The following COL4A1 variants were observed in gnomAD, a reference collection of about 807,000 sequenced individuals.
COL4A1 encodes the protein collagen type IV alpha 1 chain, also known as collagen alpha-1(IV) chain.
A neutral mutation model predicts 216.6 loss-of-function variants in COL4A1; 40 were observed. The ratio of observed to expected loss-of-function variants is 0.18; its 90% CI spans 0.14 to 0.24. The LOEUF (loss-of-function observed/expected upper bound fraction) is 0.24, where lower values mean the gene tolerates loss of function less well. COL4A1 is among the 10% of genes least tolerant of loss of function. The probability of loss-of-function intolerance (pLI) is 1.00; values close to 1 mark genes in which losing one functional copy is unlikely to be tolerated. For synonymous variants in COL4A1, 839 were observed against 810.7 expected (o/e 1.03, Z -0.59); for missense variants, 1,628 against 2,196.8 (o/e 0.74, Z 5.18).
At chr13:110,201,716 G>A in intron 18 of COL4A1, 194 bp from the exon 19 acceptor site, 1 of 728,032 alleles carries the variant, frequency 1.4e-6, no homozygotes. Flanking sequence ...CGGTGCGGTG[G>A]CTCACGCCTG....
intron 40 of COL4A1, among the ~76,000 whole-genome samples, chr13:110,173,213 C>G (rs962437959): frequency 6.6e-6 from 1 of 151,786 alleles, no homozygotes; most frequent in Non-Finnish European, 1.5e-5. Flanking sequence ...GAAAGGAGTG[C>G]AGGGGTATTT....
Position 110,163,565 on chromosome 13 carries a change from A to AGGG in COL4A1, c.4151-5_4151-4insCCC, listed in dbSNP as rs1305116474. ...ATACCCACCAATCCTGTAACACCTG[A>AGGG]GGCAGAGGAAAAATAATTTATGATC... On this transcript the variant is annotated splice_region_variant and splice_polypyrimidine_tract_variant and intron_variant, in intron 46 of 51. Transcript: ENST00000375820. 1 of 1,612,434 alleles carries AGGG rather than the reference A, an allele frequency of 6.2e-7. No homozygotes were observed. Among genetic ancestry groups the AGGG allele is most frequent in the South Asian group, 1.1e-5 (1 of 90,844 alleles).
At chr13:110,165,016 C>T (rs1378128057) in intron 45 of COL4A1, 26 bp from the exon 46 acceptor site, 1 of 1,597,646 alleles carries the variant, frequency 6.3e-7, no homozygotes, top group South Asian at 1.1e-5. Flanking sequence ...AGGCATTGAT[C>T]AATTTCACTG....
intron 1 of COL4A1, among the ~76,000 whole-genome samples, chr13:110,280,138 A>G (rs990543575): frequency 5.3e-5 from 8 of 152,220 alleles, no homozygotes; most frequent in African/African-American, 1.9e-4. Context: ...TGCCACGTAT[A>G]AAGAACTTGG....
chr13:110,250,375 C>A (rs921988776), intron 1 of COL4A1, among the ~76,000 whole-genome samples: 1 of 152,164 alleles, frequency 6.6e-6, no homozygotes, highest in Non-Finnish European at 1.5e-5. Flanking sequence ...AGAAACCACA[C>A]GCCTTGAGGA....
At chr13:110,189,486 T>A (rs1458867403) in intron 24 of COL4A1, among the ~76,000 whole-genome samples, 1 of 152,222 alleles carries the variant, frequency 6.6e-6, no homozygotes, top group Non-Finnish European at 1.5e-5. Context: ...TGGTCTGAGC[T>A]GGCCCCGCAC....
At position 110,161,349 on chromosome 13, in the gene COL4A1, G is replaced by C. The variant is rs539786257; in HGVS notation, c.4483C>G (p.Arg1495Gly). The change falls in exon 49 of 52, where the codon CGC becomes GGC. Residue 1495 changes from arginine to glycine, a missense_variant. Physicochemically the swap from Arg to Gly is moderately radical, Grantham distance 125 (BLOSUM62 -2). Transcript: ENST00000375820. ...QDLGTAGSCL[R>G]KFSTMPFLFC... The stretch of plus-strand genomic sequence containing the variant: ...AGGAAGGGCATTGTGCTGAACTTGC[G>C]CAGGCAGCTGCCGGCCGTGCCTAGA... The C allele has an allele frequency of 8.1e-6, 13 of 1,613,198 alleles. No homozygotes were observed. Among genetic ancestry groups the C allele is most frequent in the South Asian group, 1.1e-5 (1 of 90,964 alleles).
At chr13:110,165,755 T>A (rs11617955) in intron 45 of COL4A1, among the ~76,000 whole-genome samples, 14,206 of 152,120 alleles carry the variant, frequency 0.093, 804 homozygotes, top group Admixed American at 0.16. Context: ...CTTAAACCAT[T>A]CCCTTTTGAG....
intron 1 of COL4A1, among the ~76,000 whole-genome samples, chr13:110,306,368 T>C (rs1884708231): frequency 6.6e-6 from 1 of 152,258 alleles, no homozygotes; most frequent in African/African-American, 2.4e-5. Flanking sequence ...GCCCCACTTC[T>C]GCCTTGGAGC....
chr13:110,163,508 C>T lies in COL4A1; in HGVS notation c.4204G>A (p.Gly1402Ser), dbSNP rs1179536054. 5 of 1,614,110 alleles carry T rather than the reference C, an allele frequency of 3.1e-6. No individual in the cohort carries two copies. The highest frequency in any genetic ancestry group is 1.3e-5 in the African/African-American group (1 of 75,010). ...PGPPGIPGFD[G>S]APGQKGEMGP... ...ATCTCTCCTTTCTGGCCAGGGGCAC[C>T]GTCAAACCCAGGAATACCTGGAGGT... The change falls in exon 47 of 52, where the codon GGT becomes AGT. Residue 1402 changes from glycine to serine, a missense_variant. This residue lies in a region of COL4A1 where 345 missense variants were observed against 476.9 expected (regional missense o/e 0.72). Transcript: ENST00000375820.
chr13:110,245,734 G>C (rs950140583), intron 1 of COL4A1, among the ~76,000 whole-genome samples: 1 of 152,158 alleles, frequency 6.6e-6, no homozygotes, highest in Non-Finnish European at 1.5e-5. Context: ...CTGCAGATAA[G>C]AGGCTGCAAG....
intron 2 of COL4A1, among the ~76,000 whole-genome samples, chr13:110,241,053 A>G (rs574926833): frequency 9.9e-5 from 15 of 152,274 alleles, no homozygotes; most frequent in Non-Finnish European, 2.2e-4. Context: ...TACTTTTAGT[A>G]GAGACTGAGT....
intron 1 of COL4A1, among the ~76,000 whole-genome samples, chr13:110,262,515 CT>C (rs1478790429): frequency 6.6e-6 from 1 of 152,216 alleles, no homozygotes; most frequent in Non-Finnish European, 1.5e-5. Context: ...TTAAATCTTA[CT>C]GATCTTCCTC....
chr13:110,277,783 C>CT lies in COL4A1; in HGVS notation c.84+29160dup, dbSNP rs1196049146. On this transcript the variant is annotated intron_variant, in intron 1 of 51. Coordinates refer to ENST00000375820, the MANE Select transcript of COL4A1 (RefSeq NM_001845.6). ...GGACATATTTTGTCCTCCCCTCCCT[C>CT]TATCTTTTGACCCACGTCTTGCAAG... 2.6e-5 allele frequency among the ~76,000 whole-genome samples: 4 copies of CT among 152,238 alleles called. No homozygotes were observed. The East Asian group carries it at 7.7e-4, about 29-fold the overall frequency.
chr13:110,243,027 A>G (rs956472884), intron 1 of COL4A1, among the ~76,000 whole-genome samples: 1 of 152,226 alleles, frequency 6.6e-6, no homozygotes, highest in African/African-American at 2.4e-5. Flanking sequence ...GTTAATTTCT[A>G]TTTGAAGTTG....
At position 110,230,824 on chromosome 13, in the gene COL4A1, G is replaced by A. The variant is rs898833782; in HGVS notation, c.144+11851C>T. 5.3e-5 allele frequency among the ~76,000 whole-genome samples: 8 copies of A among 152,342 alleles called. 1 individual carries two copies. The highest frequency in any genetic ancestry group is 3.9e-4 in the East Asian group (2 of 5,172). On this transcript the variant is annotated intron_variant, in intron 2 of 51. Transcript: ENST00000375820. ...AAATGCAGGTTCCACGTGCAGAGGCGGAAGCAAGGAGGCCTCCAGCCGCCC... is the reference window on the plus strand; with the variant it reads ...AAATGCAGGTTCCACGTGCAGAGGCAGAAGCAAGGAGGCCTCCAGCCGCCC...
rs2305080 is a variant in COL4A1 at position 110,186,356 on chromosome 13, T to C, written c.1897+29A>G. 586,108 of 1,611,298 alleles carry C rather than the reference T, an allele frequency of 0.36. 107,680 individuals carry two copies. Among genetic ancestry groups the C allele is most frequent in the East Asian group, 0.47 (20,996 of 44,848 alleles). ...GCCCTAACCTCCGTTTACAACTTCA[T>C]GCTGCATCACGAGTTTCTCAGGCCT... On this transcript the variant is annotated intron_variant, in intron 26 of 51. Coordinates refer to ENST00000375820, the MANE Select transcript of COL4A1 (RefSeq NM_001845.6).
At chr13:110,175,955 C>T (rs889932631) in intron 36 of COL4A1, among the ~76,000 whole-genome samples, 1 of 152,244 alleles carries the variant, frequency 6.6e-6, no homozygotes, top group Non-Finnish European at 1.5e-5. Flanking sequence ...GCCCTTCCCG[C>T]ACTCTCCTCC....
At chr13:110,168,789 T>G (rs1393202070) in intron 43 of COL4A1, among the ~76,000 whole-genome samples, 1 of 152,026 alleles carries the variant, frequency 6.6e-6, no homozygotes, top group Non-Finnish European at 1.5e-5. Context: ...CTATTCATGA[T>G]CTCCCCTGAT....
Sources: gnomAD v4.1 joint callset for allele counts (sites outside exome capture counted in the v4.1 genomes callset) on GRCh38, gnomAD v4.1.1 for gene constraint, gnomAD v4.1.1 regional missense constraint, MANE v1.5 for transcripts, NCBI Gene and HGNC (gene_info 2026-07-23, HGNC 2026-07-21) for gene names.